MID2: variants seen among roughly 807,000 people sequenced by gnomAD.
The protein encoded by MID2 is midline 2.
MID2 carries 13 observed loss-of-function variants against 46.1 expected under a neutral mutation model. The ratio of observed to expected loss-of-function variants is 0.28; its 90% confidence interval spans 0.18 to 0.45. MID2 has a LOEUF of 0.45. MID2 is among the 20% of genes least tolerant of loss of function. MID2 has a pLI of 1.00. For missense variants in MID2, 431 were observed against 575.4 expected (o/e 0.75, Z 2.57); for synonymous variants, 199 against 212.3 (o/e 0.94, Z 0.55).
intron 3 of MID2, among the ~76,000 whole-genome samples, chrX:107,885,057 A>T (rs889856204): frequency 9.0e-6 from 1 of 111,130 alleles, no homozygotes; most frequent in Admixed American, 9.6e-5. Flanking sequence ...CAGCAGGTTG[A>T]GATCCCTTCC....
chrX:107,904,348 G>A (rs1932818948), intron 4 of MID2, among the ~76,000 whole-genome samples: 1 of 111,849 alleles, frequency 8.9e-6, no homozygotes, highest in Admixed American at 9.5e-5. Context: ...ACTGTTGTAT[G>A]TTATAACTCA....
intron 3 of MID2, among the ~76,000 whole-genome samples, chrX:107,868,943 G>A (rs1288657775): frequency 9.0e-6 from 1 of 110,745 alleles, no homozygotes; most frequent in Non-Finnish European, 1.9e-5. Context: ...AGATTAGATA[G>A]AGATAATATA....
intron 1 of MID2, among the ~76,000 whole-genome samples, chrX:107,827,699 G>C (rs986775263): frequency 3.4e-4 from 37 of 109,987 alleles, no homozygotes; most frequent in African/African-American, 1.0e-3. Context: ...TCTTCTGTTT[G>C]GGGAGTGGTT....
intron 3 of MID2, among the ~76,000 whole-genome samples, chrX:107,858,168 C>G (rs1931784102): frequency 8.9e-6 from 1 of 112,052 alleles, no homozygotes; most frequent in Non-Finnish European, 1.9e-5. Context: ...GTTATAATTG[C>G]TGCTGAAGGT....
chrX:107,880,117 G>A (rs750626471), intron 3 of MID2, among the ~76,000 whole-genome samples: 1 of 107,747 alleles, frequency 9.3e-6, no homozygotes, highest in South Asian at 4.2e-4. Context: ...TTGGGGACTA[G>A]GGTTTTTCTT....
At chrX:107,884,364 G>T (rs1441392740) in intron 3 of MID2, among the ~76,000 whole-genome samples, 1 of 112,519 alleles carries the variant, frequency 8.9e-6, no homozygotes, top group Non-Finnish European at 1.9e-5. Flanking sequence ...TATGTTCCAG[G>T]TAGTGTGCTA....
At chrX:107,870,621 G>A (rs58705027) in intron 3 of MID2, among the ~76,000 whole-genome samples, 142 of 111,255 alleles carry the variant, frequency 1.3e-3, no homozygotes, top group African/African-American at 4.3e-3. Context: ...CTCCAATGGT[G>A]TGCTGGTGCT....
intron 2 of MID2, among the ~76,000 whole-genome samples, chrX:107,844,457 C>T: frequency 1.8e-5 from 2 of 111,561 alleles, no homozygotes. Flanking sequence ...TCACTAGTCC[C>T]AATATATATC....
At chrX:107,856,602 A>G (rs1931742762) in intron 3 of MID2, among the ~76,000 whole-genome samples, 1 of 111,775 alleles carries the variant, frequency 8.9e-6, no homozygotes, top group Admixed American at 9.5e-5. Context: ...AGCCTGTTCC[A>G]ACCTTTCCCA....
intron 3 of MID2, among the ~76,000 whole-genome samples, chrX:107,886,448 T>C (rs1932455378): frequency 8.9e-6 from 1 of 112,109 alleles, no homozygotes; most frequent in Non-Finnish European, 1.9e-5. Context: ...TGCGGCATTA[T>C]TTCTGAGGCC....
At chrX:107,838,126 C>T (rs757610627) in intron 1 of MID2, among the ~76,000 whole-genome samples, 1 of 112,204 alleles carries the variant, frequency 8.9e-6, no homozygotes, top group East Asian at 2.8e-4. Flanking sequence ...GATTTCTAGG[C>T]TTGGATGGTG....
rs1040001825 is a variant in MID2 at position 107,826,302 on chromosome X, A to AGCG, written c.-112_-110dup. ...AAGGCGGGCGGCGGCCTACAGTGGT[A>AGCG]GCGGCGGCGGCGGCGACCGGGGCCC... is the stretch of plus-strand genomic sequence containing the variant. On this transcript the variant is annotated 5_prime_UTR_variant, in exon 1 of 10. Coordinates refer to ENST00000262843, the MANE Select transcript of MID2 (RefSeq NM_012216.4). 39 of 783,024 alleles carry AGCG rather than the reference A, an allele frequency of 5.0e-5. No individual in the cohort carries two copies. Among genetic ancestry groups the AGCG allele is most frequent in the Middle Eastern group, 4.9e-4 (1 of 2,030 alleles). The allele number at this position is 783,024 out of a possible 1,213,427, so 64.5% of individuals were successfully genotyped here.
At chrX:107,847,234 G>A (rs1452600936) in intron 2 of MID2, among the ~76,000 whole-genome samples, 2 of 111,890 alleles carry the variant, frequency 1.8e-5, no homozygotes, top group African/African-American at 6.5e-5. Flanking sequence ...TAGGAGCTGG[G>A]ACACAGGAAA....
intron 3 of MID2, chrX:107,896,074 G>A (rs1932725719): frequency 8.9e-6 from 1 of 112,187 alleles, no homozygotes; most frequent in Admixed American, 9.4e-5. Flanking sequence ...ACAGTTACTT[G>A]GTGGCTTACA....
chrX:107,883,150 A>G (rs926236601), intron 3 of MID2, among the ~76,000 whole-genome samples: 1 of 111,282 alleles, frequency 9.0e-6, no homozygotes, highest in Non-Finnish European at 1.9e-5. Flanking sequence ...GAATTGAACA[A>G]TGAGAACACA....
chrX:107,926,057 G>A (rs1933168148), intron 8 of MID2, 37 bp from the exon 9 acceptor site: 2 of 1,045,606 alleles, frequency 1.9e-6, no homozygotes, highest in East Asian at 3.0e-5. Context: ...ATACTTCATA[G>A]TGCTTTTTCT....
chrX:107,928,698 T>C lies in MID2; in HGVS notation c.*1625T>C, dbSNP rs1373106628. On this transcript the variant is annotated 3_prime_UTR_variant, in exon 10 of 10. Coordinates refer to ENST00000262843, the MANE Select transcript of MID2 (RefSeq NM_012216.4). ...GGGAGTGCACATATTAACAAAATGC[T>C]CTACCTGCTGCCAAATGGCTTACTA... 9.0e-6 allele frequency among the ~76,000 whole-genome samples: 1 copy of C among 111,675 alleles called. No individual in the cohort carries two copies. Among genetic ancestry groups the C allele is most frequent in the Non-Finnish European group, 1.9e-5 (1 of 53,037 alleles).
At chrX:107,846,820 G>A (rs1277897693) in intron 2 of MID2, among the ~76,000 whole-genome samples, 1 of 111,835 alleles carries the variant, frequency 8.9e-6, no homozygotes, top group Non-Finnish European at 1.9e-5. Context: ...TTTGGCTCAA[G>A]TTTTCTCTTC....
In MID2 at chrX:107,928,114, C is replaced by T. The variant is rs187102939; in HGVS notation, c.*1041C>T. ...AGAATTAGGCTTTTAAAAAGTTGCA[C>T]AGTGAAGGCTCTTTAGGAACCTACT... On this transcript the variant is annotated 3_prime_UTR_variant, in exon 10 of 10. Transcript: ENST00000262843. Among the ~76,000 whole-genome samples the T allele has an allele frequency of 8.9e-6, 1 of 111,881 alleles. No homozygotes were observed. The highest frequency in any genetic ancestry group is 9.5e-5 in the Admixed American group (1 of 10,562).
Sources: gnomAD v4.1 joint callset for allele counts (sites outside exome capture counted in the v4.1 genomes callset) on GRCh38, gnomAD v4.1.1 for gene constraint, MANE v1.5 for transcripts, NCBI Gene and HGNC (gene_info 2026-07-23, HGNC 2026-07-21) for gene names.